GHR: variants seen among roughly 807,000 people sequenced by gnomAD.
The protein encoded by GHR is growth hormone receptor.
GHR carries 35 observed loss-of-function variants against 67.1 expected under a neutral mutation model. The observed-to-expected ratio is 0.52, with a 90% CI of 0.40 to 0.69. GHR has a LOEUF of 0.69. Ranked by LOEUF, GHR falls within the 30% of genes least tolerant of loss-of-function variation. The pLI is 0.00. For missense variants in GHR, 792 were observed against 764.6 expected, an observed-to-expected ratio of 1.04 and a Z score of -0.42; for synonymous variants, 272 against 269.1, an observed-to-expected ratio of 1.01 and a Z score of -0.10.
At chr5:42,709,028 C>A (rs377190903) in intron 6 of GHR, among the ~76,000 whole-genome samples, 1 of 152,098 alleles carries the variant, frequency 6.6e-6, no homozygotes, top group Admixed American at 6.6e-5. Context: ...GAAGCACAGG[C>A]GTCATAAGCA....
chr5:42,663,177 T>A (rs1580153108), intron 3 of GHR, among the ~76,000 whole-genome samples: 1 of 152,220 alleles, frequency 6.6e-6, no homozygotes, highest in Non-Finnish European at 1.5e-5. Context: ...AAGGAGGAAC[T>A]GGTACCATTC....
At position 42,719,316 on chromosome 5, in the gene GHR, C is replaced by G; in HGVS notation, c.1809C>G (p.Ser603=). Residue 603 remains serine (S), a synonymous_variant, in exon 10 of 10, where the codon TCC becomes TCG. Coordinates refer to ENST00000230882, the MANE Select transcript of GHR (RefSeq NM_000163.5). ...PDYTSIHIVQ[S]PQGLILNATA... is the part of the protein sequence containing the mutation. ...ATACCTCCATTCATATAGTACAGTCCCCACAGGGCCTCATACTCAATGCGA... is the reference window on the plus strand; with the variant it reads ...ATACCTCCATTCATATAGTACAGTCGCCACAGGGCCTCATACTCAATGCGA... 1 of 1,614,082 alleles carries G rather than the reference C, an allele frequency of 6.2e-7. No individual in the cohort carries two copies. Among genetic ancestry groups the G allele is most frequent in the Non-Finnish European group, 8.5e-7 (1 of 1,179,986 alleles).
At chr5:42,552,146 C>T (rs1749067182) in intron 1 of GHR, among the ~76,000 whole-genome samples, 1 of 152,158 alleles carries the variant, frequency 6.6e-6, no homozygotes, top group Non-Finnish European at 1.5e-5. Context: ...TTATAATTTC[C>T]TGAGTTATGT....
rs149082557 is a variant in GHR at position 42,697,778 on chromosome 5, G to A, written c.440-2046G>A. On this transcript the variant is annotated intron_variant, in intron 5 of 9. Coordinates refer to ENST00000230882, the MANE Select transcript of GHR (RefSeq NM_000163.5). ...TAGATGATGAGCGATGTGATCTAAC[G>A]TAAGTGTTAGGATAATCACTGTGTC... Among the ~76,000 whole-genome samples the A allele has an allele frequency of 1.2e-4, 18 of 152,246 alleles. No homozygotes were observed. The East Asian group carries it at 2.7e-3, about 23-fold the overall frequency.
At chr5:42,660,425 C>T (rs370735808) in intron 3 of GHR, among the ~76,000 whole-genome samples, 5 of 152,286 alleles carry the variant, frequency 3.3e-5, no homozygotes, top group African/African-American at 1.2e-4. Flanking sequence ...TCCAGAGGAA[C>T]GATCAGGCAG....
intron 3 of GHR, among the ~76,000 whole-genome samples, chr5:42,656,216 C>T (rs1755247549): frequency 6.6e-6 from 1 of 152,160 alleles, no homozygotes; most frequent in Admixed American, 6.5e-5. Context: ...GTGACTCAGA[C>T]ACAGGCTGAC....
At chr5:42,429,492 A>C (rs1742995843) in intron 1 of GHR, among the ~76,000 whole-genome samples, 1 of 152,248 alleles carries the variant, frequency 6.6e-6, no homozygotes, top group African/African-American at 2.4e-5. Context: ...CTATTAAGAC[A>C]GTTTAATATT....
intron 1 of GHR, among the ~76,000 whole-genome samples, chr5:42,563,810 A>G (rs1013067370): frequency 6.6e-6 from 1 of 152,152 alleles, no homozygotes; most frequent in African/African-American, 2.4e-5. Context: ...AAAAAAAGAA[A>G]AGAGACAGAA....
At chr5:42,463,992 C>CAAAAAAAAAAAA (rs70991406) in intron 1 of GHR, among the ~76,000 whole-genome samples, 1 of 46,514 alleles carries the variant, frequency 2.1e-5, no homozygotes. Flanking sequence ...GACTCCGTCT[C>CAAAAAAAAAAAA]AAAAAAAAAA....
intron 3 of GHR, among the ~76,000 whole-genome samples, chr5:42,676,233 C>G (rs929003207): frequency 2.6e-5 from 4 of 151,972 alleles, no homozygotes; most frequent in Non-Finnish European, 4.4e-5. Context: ...TGCAGTGAGC[C>G]AAGATCTCAC....
Position 42,512,814 on chromosome 5 carries a change from T to C in GHR, c.-11-53050T>C, listed in dbSNP as rs200029575. ...CATTCAGTAACTTTTTTTTTTTTTT[T>C]AACTAGAATTGAAAGCTTTGATCCA... On this transcript the variant is annotated intron_variant, in intron 1 of 9. Coordinates refer to ENST00000230882, the MANE Select transcript of GHR (RefSeq NM_000163.5). Among the ~76,000 whole-genome samples the C allele has an allele frequency of 1.9e-3, 288 of 150,506 alleles. 2 individuals are homozygous for C. The highest frequency in any genetic ancestry group is 5.0e-3 in the African/African-American group (206 of 40,916).
intron 5 of GHR, among the ~76,000 whole-genome samples, chr5:42,696,434 C>G (rs918267512): frequency 6.6e-6 from 1 of 152,186 alleles, no homozygotes; most frequent in South Asian, 2.1e-4. Flanking sequence ...TACCTCTGAA[C>G]TGGAATTGGA....
chr5:42,514,200 A>T (rs1033356381), intron 1 of GHR: 5 of 985,250 alleles, frequency 5.1e-6, no homozygotes, highest in Non-Finnish European at 6.0e-6. Flanking sequence ...TTGACTACCT[A>T]CAAGTGCCTT....
chr5:42,666,876 A>T (rs1169090662), intron 3 of GHR, among the ~76,000 whole-genome samples: 1 of 152,200 alleles, frequency 6.6e-6, no homozygotes, highest in Non-Finnish European at 1.5e-5. Context: ...TGAATCAATA[A>T]CTGTGAGGAA....
At chr5:42,481,563 A>G (rs1346634329) in intron 1 of GHR, among the ~76,000 whole-genome samples, 3 of 151,992 alleles carry the variant, frequency 2.0e-5, no homozygotes, top group East Asian at 1.9e-4. Flanking sequence ...ATAGTCCCAT[A>G]TTTCTTGGAG....
At position 42,423,607 on chromosome 5, in the gene GHR, C is replaced by G. The variant is rs573422886; in HGVS notation, c.-360C>G. Among the ~76,000 whole-genome samples the G allele has an allele frequency of 1.1e-4, 17 of 152,300 alleles. No homozygotes were observed. The highest frequency in any genetic ancestry group is 2.2e-4 in the Non-Finnish European group (15 of 68,026). ...TCTGCAACCTGGATCTGGGGGACTG[C>G]GGGCCAGGCGCGGCGTGACCCCTGG... On this transcript the variant is annotated 5_prime_UTR_variant, in exon 1 of 10. Coordinates refer to ENST00000230882, the MANE Select transcript of GHR (RefSeq NM_000163.5).
chr5:42,581,230 A>T (rs2112557242), intron 2 of GHR, among the ~76,000 whole-genome samples: 1 of 152,344 alleles, frequency 6.6e-6, no homozygotes, highest in East Asian at 1.9e-4. Flanking sequence ...TCCAGTCAAA[A>T]GTCATGGCTT....
chr5:42,507,995 A>G (rs1746850124), intron 1 of GHR, among the ~76,000 whole-genome samples: 1 of 152,202 alleles, frequency 6.6e-6, no homozygotes, highest in South Asian at 2.1e-4. Context: ...AGGGCCAAAC[A>G]GAGAGTAACT....
intron 3 of GHR, among the ~76,000 whole-genome samples, chr5:42,652,546 T>A (rs1755061391): frequency 6.6e-6 from 1 of 152,150 alleles, no homozygotes; most frequent in Non-Finnish European, 1.5e-5. Context: ...TGAGGAAGTT[T>A]TGTAGTCATT....
Sources: allele counts gnomAD v4.1 joint callset (sites outside exome capture counted in the v4.1 genomes callset), GRCh38; gene constraint gnomAD v4.1.1; transcripts MANE v1.5; gene names NCBI Gene and HGNC (gene_info 2026-07-23, HGNC 2026-07-21).